Variants in JMJD4 observed in about 807,000 individuals in gnomAD.
JMJD4 encodes the protein jumonji domain containing 4, also known as 2-oxoglutarate and iron-dependent oxygenase JMJD4.
JMJD4 carries 34 observed loss-of-function variants against 36.3 expected under a neutral mutation model. That is an observed-to-expected ratio of 0.94 (90% CI 0.71 to 1.25). The LOEUF is 1.25. JMJD4 is among the 50% of genes most tolerant of loss of function. JMJD4 has a pLI of 0.00. For synonymous variants in JMJD4, 269 were observed against 235.3 expected (o/e 1.14, Z -1.31); for missense variants, 584 against 559.1 (o/e 1.04, Z -0.45).
intron 3 of JMJD4, 36 bp from the exon 4 acceptor site, chr1:227,733,717 G>C (rs1315844453): frequency 1.3e-6 from 2 of 1,598,084 alleles, no homozygotes; most frequent in African/African-American, 2.7e-5. Flanking sequence ...ATGCCTGTAG[G>C]GGCTGGTATG....
rs1001557592 is a variant in JMJD4 at position 227,733,697 on chromosome 1, C to T, written c.555-16G>A. ...GAACGGGGACCTGCGGCAGCAAGAGCGCCTGGTTCATGCCTGTAGGGGCTG... is the reference window on the plus strand; with the variant it reads ...GAACGGGGACCTGCGGCAGCAAGAGTGCCTGGTTCATGCCTGTAGGGGCTG... On this transcript the variant is annotated splice_polypyrimidine_tract_variant and intron_variant, in intron 3 of 5. Transcript: ENST00000620518. 8 of 1,599,132 alleles carry T rather than the reference C, an allele frequency of 5.0e-6. No individual in the cohort carries two copies. The highest frequency in any genetic ancestry group is 1.3e-5 in the African/African-American group (1 of 74,916).
chr1:227,731,730 A>G lies in JMJD4; in HGVS notation c.*662T>C, dbSNP rs555289027. 1 of 156,210 alleles carries G rather than the reference A, an allele frequency of 6.4e-6. No individual in the cohort carries two copies. Among genetic ancestry groups the G allele is most frequent in the South Asian group, 2.0e-4 (1 of 5,106 alleles). 9.7% of individuals were successfully genotyped at this position (156,210 alleles called of 1,614,324 possible). The stretch of plus-strand genomic sequence containing the variant: ...ACCCAGCTGTGAGTGCACAGCAGGC[A>G]CAGTCCCTCAGGCCCAGGTGAGGAT... On this transcript the variant is annotated 3_prime_UTR_variant, in exon 6 of 6. Transcript: ENST00000620518.
intron 2 of JMJD4, 126 bp downstream of exon 2, chr1:227,734,525 G>A (rs924650291): frequency 4.8e-6 from 4 of 830,640 alleles, no homozygotes; most frequent in Non-Finnish European, 7.7e-6. Context: ...CTTTTAAACT[G>A]ATTAAAGTGC....
In JMJD4 at chr1:227,734,830, C is replaced by A; in HGVS notation, c.263-14G>T. 6.2e-7 allele frequency: 1 copy of A among 1,613,256 alleles called. No homozygotes were observed. The highest frequency in any genetic ancestry group is 8.5e-7 in the Non-Finnish European group (1 of 1,179,864). ...CAACCACGTCTCCTGAAATGAAAGG[C>A]ACGGTCCATGCCATCTCCCTGGGCC... On this transcript the variant is annotated splice_polypyrimidine_tract_variant and intron_variant, in intron 1 of 5. Coordinates refer to ENST00000620518, the MANE Select transcript of JMJD4 (RefSeq NM_023007.3).
Position 227,733,410 on chromosome 1 carries a change from T to A in JMJD4, c.822+4A>T, listed in dbSNP as rs1660807140. The A allele has an allele frequency of 6.4e-7, 1 of 1,571,462 alleles. No individual in the cohort carries two copies. The highest frequency in any genetic ancestry group is 8.6e-7 in the Non-Finnish European group (1 of 1,159,586). On this transcript the variant is annotated splice_donor_region_variant and intron_variant, in intron 4 of 5. Coordinates refer to ENST00000620518, the MANE Select transcript of JMJD4 (RefSeq NM_023007.3). ...GATAGGGGGCAGGAGAAGCAGCACATTACCAGGTTGTGCACCTGGTGGTGC... is the reference window on the plus strand; with the variant it reads ...GATAGGGGGCAGGAGAAGCAGCACAATACCAGGTTGTGCACCTGGTGGTGC...
chr1:227,734,519 T>C (rs1660928532), intron 2 of JMJD4, 132 bp downstream of exon 2: 1 of 782,310 alleles, frequency 1.3e-6, no homozygotes, highest in Non-Finnish European at 2.1e-6. Context: ...CAGTTTCTTT[T>C]AAACTGATTA....
rs756031409 is a variant in JMJD4 at position 227,732,367 on chromosome 1, C to G, written c.*25G>C. 3 of 1,604,704 alleles carry G rather than the reference C, an allele frequency of 1.9e-6. No individual in the cohort carries two copies. Among genetic ancestry groups the G allele is most frequent in the East Asian group, 4.5e-5 (2 of 44,678 alleles). Reference sequence around the variant, plus strand: ...AGCAGGAGGCTGCCTCTCTTCCACCCGTCCTTCTATCCTCACGACAGGTGC... The same window carrying G: ...AGCAGGAGGCTGCCTCTCTTCCACCGGTCCTTCTATCCTCACGACAGGTGC... On this transcript the variant is annotated 3_prime_UTR_variant, in exon 6 of 6. Transcript: ENST00000620518.
Position 227,734,023 on chromosome 1 carries a change from C to T in JMJD4, c.438G>A (p.Pro146=), listed in dbSNP as rs12031943. 1.2e-4 allele frequency: 196 copies of T among 1,613,206 alleles called. No homozygotes were observed. In the East Asian group the frequency reaches 3.8e-3, roughly 31 times the overall value. ...CAGGCAGGGTGAAAACGTCCTCCAC[C>T]GGAAAGTCCCTGTGAGGAGGGCGCA... ...LKDWHLCRDF[P]VEDVFTLPVY... The change falls in exon 3 of 6, where the codon CCG becomes CCA. Residue 146 remains proline, a synonymous_variant. Coordinates refer to ENST00000620518, the MANE Select transcript of JMJD4 (RefSeq NM_023007.3).
chr1:227,733,760 A>G, intron 3 of JMJD4, 79 bp from the exon 4 acceptor site: 3 of 1,590,898 alleles, frequency 1.9e-6, no homozygotes, highest in East Asian at 4.5e-5. Context: ...GCCTGGTCCA[A>G]CTGAAGGAGG....
Position 227,732,532 on chromosome 1 carries a change from C to T in JMJD4, c.1114G>A (p.Val372Ile), listed in dbSNP as rs1160033054. The change falls in exon 6 of 6, where the codon GTT becomes ATT. Residue 372 changes from valine to isoleucine, a missense_variant. Transcript: ENST00000620518. ...GCCAGCACCTCTGTGATGCGCCCAA[C>T]ATCAAAGGCTGCCTGTTCGAAACCC... is the stretch of plus-strand genomic sequence containing the variant. Reference protein sequence around the residue: ...GLGFEQAAFDVGRITEVLASL... With the variant: ...GLGFEQAAFDIGRITEVLASL... The T allele has an allele frequency of 6.2e-7, 1 of 1,613,410 alleles. No individual in the cohort carries two copies. The highest frequency in any genetic ancestry group is 8.5e-7 in the Non-Finnish European group (1 of 1,180,042).
rs750125165 is a variant in JMJD4, at chr1:227,735,073, G to A, written c.201C>T (p.Ser67=). Residue 67 remains serine (S), a synonymous_variant, in exon 1 of 6, where the codon AGC becomes AGT. Coordinates refer to ENST00000620518, the MANE Select transcript of JMJD4 (RefSeq NM_023007.3). ...FSSAFTQGWG[S]RRRWVTPAGR... is the part of the protein sequence containing the mutation. ...CCGCGGGCGTCACCCAGCGCCGCCGGCTGCCCCAGCCCTGCGTGAAGGCGC... is the reference window on the plus strand; with the variant it reads ...CCGCGGGCGTCACCCAGCGCCGCCGACTGCCCCAGCCCTGCGTGAAGGCGC... 2.6e-6 allele frequency: 4 copies of A among 1,558,334 alleles called. No homozygotes were observed. The highest frequency in any genetic ancestry group is 1.9e-5 in the Admixed American group (1 of 52,162).
rs567597275 is a variant in JMJD4 at position 227,732,529 on chromosome 1, C to T, written c.1117G>A (p.Gly373Arg). Residue 373 changes from glycine (G) to arginine (R), a missense_variant, in exon 6 of 6, where the codon GGG becomes AGG. Gly to Arg is a moderately radical substitution (Grantham distance 125). Transcript: ENST00000620518. ...LGFEQAAFDV[G>R]RITEVLASLV... ...GAGGCCAGCACCTCTGTGATGCGCCCAACATCAAAGGCTGCCTGTTCGAAA... is the reference window on the plus strand; with the variant it reads ...GAGGCCAGCACCTCTGTGATGCGCCTAACATCAAAGGCTGCCTGTTCGAAA... The T allele has an allele frequency of 6.2e-7, 1 of 1,613,388 alleles. No individual in the cohort carries two copies. The highest frequency in any genetic ancestry group is 1.3e-5 in the African/African-American group (1 of 75,052).
chr1:227,734,333 TG>T (rs1349433826), intron 2 of JMJD4: 4 of 295,024 alleles, frequency 1.4e-5, no homozygotes, highest in Non-Finnish European at 1.1e-5. Context: ...CTGGGCAACA[TG>T]GTGAAACCTA....
At chr1:227,734,954 C>T (rs1397005632) in intron 1 of JMJD4, 58 bp downstream of exon 1, 55 of 1,500,216 alleles carry the variant, frequency 3.7e-5, no homozygotes, top group Admixed American at 4.4e-5. Context: ...GGGGGCCTCC[C>T]GGGCCTGGGT....
rs760413105 is a variant in JMJD4 at position 227,732,953 on chromosome 1, C to T, written c.897G>A (p.Gln299=). 22 of 1,613,194 alleles carry T rather than the reference C, an allele frequency of 1.4e-5. No individual in the cohort carries two copies. The South Asian group carries it at 2.4e-4, about 18-fold the overall frequency. Residue 299 remains glutamine, a synonymous_variant, in exon 5 of 6, where the codon CAG becomes CAA. Coordinates refer to ENST00000620518, the MANE Select transcript of JMJD4 (RefSeq NM_023007.3). ...CCTCCTCCTGCACGGCGCATAGCTC[C>T]TGCTGCAAGAAGCGCCACATGTTGG... ...NLANMWRFLQ[Q]ELCAVQEEVS...
At chr1:227,733,387 T>C (rs1181675990) in intron 4 of JMJD4, 27 bp downstream of exon 4, 5 of 1,561,092 alleles carry the variant, frequency 3.2e-6, no homozygotes, top group Middle Eastern at 1.9e-4. Context: ...AGGCCCCTGA[T>C]AGGGGGCAGG....
Position 227,735,260 on chromosome 1 carries a change from G to A in JMJD4, c.14C>T (p.Thr5Met). The part of the protein sequence containing the change: MDRE[T>M]RALADSHFRG... ...GAAGTGGCTGTCGGCGAGGGCGCGCGTCTCGCGGTCCATCCAGCTCAGCAC... is the reference window on the plus strand; with the variant it reads ...GAAGTGGCTGTCGGCGAGGGCGCGCATCTCGCGGTCCATCCAGCTCAGCAC... Residue 5 changes from threonine to methionine, a missense_variant, in exon 1 of 6, where the codon ACG (threonine) becomes ATG (methionine). Physicochemically the swap from Thr to Met is moderately conservative, Grantham distance 81 (BLOSUM62 -1). Coordinates refer to ENST00000620518, the MANE Select transcript of JMJD4 (RefSeq NM_023007.3). The A allele has an allele frequency of 1.9e-6, 3 of 1,604,470 alleles. No individual in the cohort carries two copies. The highest frequency in any genetic ancestry group is 2.6e-6 in the Non-Finnish European group (3 of 1,176,444).
rs771966376 is a variant in JMJD4, at chr1:227,734,881, G to A, written c.263-65C>T. On this transcript the variant is annotated intron_variant, in intron 1 of 5. Coordinates refer to ENST00000620518, the MANE Select transcript of JMJD4 (RefSeq NM_023007.3). ...CCGTCCTCACTCCAAACCGTCTGCA[G>A]AGGAACTCTCCAGGGGCCACGCGCC... The A allele has an allele frequency of 9.1e-4, 1,457 of 1,597,978 alleles. 6 individuals carry two copies. Among genetic ancestry groups the A allele is most frequent in the Admixed American group, 1.7e-3 (101 of 59,376 alleles).
intron 3 of JMJD4, 87 bp from the exon 4 acceptor site, chr1:227,733,768 A>C (rs1047364545): frequency 5.0e-6 from 8 of 1,587,978 alleles, no homozygotes; most frequent in Non-Finnish European, 6.8e-6. Flanking sequence ...CAACTGAAGG[A>C]GGGGTGGCCC....
Sources: gnomAD v4.1 joint callset for allele counts on GRCh38, gnomAD v4.1.1 for gene constraint, MANE v1.5 for transcripts, NCBI Gene and HGNC (gene_info 2026-07-23, HGNC 2026-07-21) for gene names.